RASGRF2: variants seen among roughly 807,000 people sequenced by gnomAD.
The protein encoded by RASGRF2 is ras-specific guanine nucleotide-releasing factor 2.
In RASGRF2, 76 loss-of-function variants were observed where a neutral mutation model predicts 151.0. The observed-to-expected ratio is 0.50, with a 90% confidence interval of 0.42 to 0.61. RASGRF2 has a LOEUF of 0.61. RASGRF2 is among the 20% of genes least tolerant of loss of function. The pLI, the probability that RASGRF2 is intolerant of heterozygous loss-of-function variation, is 0.00. For missense variants in RASGRF2, 1,148 were observed against 1,564.6 expected, an observed-to-expected ratio of 0.73 and a Z score of 4.49; for synonymous variants, 504 against 566.5, an observed-to-expected ratio of 0.89 and a Z score of 1.57.
intron 17 of RASGRF2, among the ~76,000 whole-genome samples, chr5:81,139,038 T>A (rs962800554): frequency 6.6e-6 from 1 of 152,214 alleles, no homozygotes; most frequent in African/African-American, 2.4e-5. Context: ...ACTGGGAATG[T>A]CCCTTCATTT....
At chr5:81,194,789 C>T (rs1382195810) in intron 18 of RASGRF2, among the ~76,000 whole-genome samples, 1 of 152,182 alleles carries the variant, frequency 6.6e-6, no homozygotes, top group Non-Finnish European at 1.5e-5. Context: ...CTCTTGGTTT[C>T]TTTTGTTAAT....
At chr5:81,024,557 G>A (rs1406184299) in intron 1 of RASGRF2, among the ~76,000 whole-genome samples, 15 of 152,118 alleles carry the variant, frequency 9.9e-5, no homozygotes, top group Non-Finnish European at 4.4e-5. Context: ...ACAATGCCTG[G>A]CCTCATATGA....
intron 12 of RASGRF2, among the ~76,000 whole-genome samples, chr5:81,102,561 G>A (rs753683312): frequency 8.5e-5 from 13 of 152,100 alleles, no homozygotes; most frequent in African/African-American, 2.2e-4. Flanking sequence ...CAGGCGTGGC[G>A]GCACATGCCT....
chr5:80,989,752 G>A (rs1195796259), intron 1 of RASGRF2, among the ~76,000 whole-genome samples: 1 of 152,072 alleles, frequency 6.6e-6, no homozygotes, highest in African/African-American at 2.4e-5. Flanking sequence ...CTATATTCTT[G>A]GATTTTGAAA....
chr5:81,212,628 G>C (rs1033177057), intron 23 of RASGRF2, 65 bp downstream of exon 23: 26 of 1,393,638 alleles, frequency 1.9e-5, no homozygotes, highest in Non-Finnish European at 2.4e-5. Context: ...TGGGAGCCAA[G>C]TTAAATATTA....
intron 1 of RASGRF2, among the ~76,000 whole-genome samples, chr5:81,034,874 C>A (rs1442719547): frequency 6.6e-6 from 1 of 151,016 alleles, no homozygotes; most frequent in Non-Finnish European, 1.5e-5. Context: ...GTGCAGTGCA[C>A]CAGCATGGCA....
chr5:81,200,920 A>G (rs1755373492), intron 18 of RASGRF2, among the ~76,000 whole-genome samples: 1 of 151,968 alleles, frequency 6.6e-6, no homozygotes, highest in Admixed American at 6.6e-5. Context: ...TAAGTCTAGG[A>G]CAGTGTGAGT....
intron 17 of RASGRF2, among the ~76,000 whole-genome samples, chr5:81,149,817 G>T (rs1369747359): frequency 2.6e-5 from 4 of 152,022 alleles, no homozygotes; most frequent in Admixed American, 2.6e-4. Flanking sequence ...GTGGATCCTA[G>T]CATTGCCCTG....
At chr5:81,130,087 C>A (rs1318931123) in intron 17 of RASGRF2, among the ~76,000 whole-genome samples, 1 of 152,186 alleles carries the variant, frequency 6.6e-6, no homozygotes, top group Non-Finnish European at 1.5e-5. Flanking sequence ...TTTCTGTTGC[C>A]TTTTTTCCTA....
intron 17 of RASGRF2, among the ~76,000 whole-genome samples, chr5:81,138,063 A>C (rs1753797591): frequency 1.5e-5 from 1 of 65,172 alleles, no homozygotes; most frequent in South Asian, 4.1e-4. Flanking sequence ...TCCCTTCACA[A>C]CTTGGGGCTC....
At position 81,201,366 on chromosome 5, in the gene RASGRF2, C is replaced by T. The variant is rs1755390391; in HGVS notation, c.2830C>T (p.Leu944=). ...CAACAATGAACTAAAGATGAATGTC[C>T]TAAATTTGCTAGAAGAAGTTTTGCG... The part of the protein sequence containing the change: ...ELNNELKMNV[L]NLLEEVLRDP... The change falls in exon 19 of 27, where the codon CTA becomes TTA. Residue 944 remains leucine (L), a synonymous_variant. Transcript: ENST00000265080. 6.2e-7 allele frequency: 1 copy of T among 1,613,162 alleles called. No individual in the cohort carries two copies. The highest frequency in any genetic ancestry group is 1.7e-5 in the Admixed American group (1 of 59,700).
At chr5:81,176,469 A>G (rs1016229687) in intron 17 of RASGRF2, among the ~76,000 whole-genome samples, 9 of 152,038 alleles carry the variant, frequency 5.9e-5, no homozygotes, top group Non-Finnish European at 1.2e-4. Flanking sequence ...TACATACTGT[A>G]TGTTTAAATT....
intron 22 of RASGRF2, among the ~76,000 whole-genome samples, chr5:81,210,932 G>A (rs1250755567): frequency 1.3e-5 from 2 of 152,070 alleles, no homozygotes; most frequent in Admixed American, 6.6e-5. Flanking sequence ...GATTGCTTTA[G>A]CCCAGGAGTT....
intron 1 of RASGRF2, among the ~76,000 whole-genome samples, chr5:80,991,818 G>A (rs73125045): frequency 0.039 from 5,945 of 152,200 alleles, 334 homozygotes; most frequent in African/African-American, 0.13. Context: ...TGTAGCTTAC[G>A]TAAACCCTTT....
At chr5:81,058,629 A>T (rs1751307575) in intron 2 of RASGRF2, among the ~76,000 whole-genome samples, 1 of 152,078 alleles carries the variant, frequency 6.6e-6, no homozygotes, top group Admixed American at 6.5e-5. Context: ...ACATAGTGAG[A>T]CCTCATCTTA....
At position 81,062,651 on chromosome 5, in the gene RASGRF2, A is replaced by C. The variant is rs181107984; in HGVS notation, c.396-5381A>C. Among the ~76,000 whole-genome samples, 650 of 152,352 alleles carry C rather than the reference A, an allele frequency of 4.3e-3. 1 individual carries two copies. The highest frequency in any genetic ancestry group is 7.6e-3 in the Non-Finnish European group (518 of 68,034). ...GTGGTTATAACAAATATTGTGTCCCAAAGTATCAAGGTTGGTGTTTGGTCC... is the reference window on the plus strand; with the variant it reads ...GTGGTTATAACAAATATTGTGTCCCCAAGTATCAAGGTTGGTGTTTGGTCC... On this transcript the variant is annotated intron_variant, in intron 2 of 26. Transcript: ENST00000265080.
chr5:81,180,063 A>C lies in RASGRF2; in HGVS notation c.2687-112A>C, dbSNP rs1456389086. The C allele has an allele frequency of 2.7e-5, 18 of 664,674 alleles. No homozygotes were observed. In the East Asian group the frequency reaches 4.6e-4, roughly 17 times the overall value. The allele number at this position is 664,674 out of a possible 1,614,324, so 41.2% of individuals were successfully genotyped here. On this transcript the variant is annotated intron_variant, in intron 17 of 26. Transcript: ENST00000265080. ...TGAAGCCACGCGCACCTCTCTGCCA[A>C]GAAGTGTCATCTGTGAGTTTCGTTA...
At chr5:81,095,433 T>C (rs905501915) in intron 12 of RASGRF2, among the ~76,000 whole-genome samples, 3 of 152,190 alleles carry the variant, frequency 2.0e-5, no homozygotes. Flanking sequence ...CCGTCTCTAG[T>C]ATGAAACCTG....
intron 17 of RASGRF2, among the ~76,000 whole-genome samples, chr5:81,168,458 A>G (rs1754567240): frequency 6.6e-6 from 1 of 151,522 alleles, no homozygotes; most frequent in African/African-American, 2.4e-5. Flanking sequence ...CTACAGGCGC[A>G]CACCGCCACG....
Sources: allele counts gnomAD v4.1 joint callset (sites outside exome capture counted in the v4.1 genomes callset), GRCh38; gene constraint gnomAD v4.1.1; transcripts MANE v1.5; gene names NCBI Gene and HGNC (gene_info 2026-07-23, HGNC 2026-07-21).